ZNF324B: variants seen among roughly 807,000 people sequenced by gnomAD.
The protein encoded by ZNF324B is zinc finger protein 324B.
Under a neutral mutation model 10.6 loss-of-function variants are expected in ZNF324B, and 7 were observed. That is an observed-to-expected ratio of 0.66 (90% confidence interval 0.38 to 1.24). The LOEUF is 1.24. ZNF324B is among the 50% of genes most tolerant of loss of function. The pLI is 0.02. For synonymous variants in ZNF324B, 316 were observed against 321.0 expected (o/e 0.98, Z 0.17); for missense variants, 640 against 764.7 (o/e 0.84, Z 1.92).
the ZNF324B span, chr19:58,434,436 A>T: frequency 1.9e-6 from 3 of 1,614,136 alleles, no homozygotes; most frequent in East Asian, 2.2e-5. Context: ...TTCTCTGATG[A>T]TGAACAAATG....
At chr19:58,454,934 C>T (rs1263030023) in intron 3 of ZNF324B, 1 of 641,060 alleles carries the variant, frequency 1.6e-6, no homozygotes, top group Non-Finnish European at 2.8e-6. Flanking sequence ...CTGTTTTCCT[C>T]AGCTTCACAT....
At chr19:58,453,401 G>A (rs1438683091) in intron 1 of ZNF324B, 2 of 500,260 alleles carry the variant, frequency 4.0e-6, no homozygotes, top group East Asian at 3.7e-5. Flanking sequence ...TGAGTCACGA[G>A]TGGATATTTG....
At chr19:58,434,866 G>C in the ZNF324B span, 1 of 1,614,216 alleles carries the variant, frequency 6.2e-7, no homozygotes, top group South Asian at 1.1e-5. Context: ...TTCCCTGCAA[G>C]TGAAGGGGTT....
intron 2 of ZNF324B, among the ~76,000 whole-genome samples, 181 bp from the exon 3 acceptor site, chr19:58,454,047 G>A (rs1262145855): frequency 1.3e-5 from 2 of 152,194 alleles, no homozygotes; most frequent in Admixed American, 1.3e-4. Flanking sequence ...GGTGCTCTGG[G>A]CACAGTTGCT....
the ZNF324B span, chr19:58,432,353 G>A: frequency 1.9e-6 from 1 of 514,716 alleles, no homozygotes; most frequent in Non-Finnish European, 3.9e-6. Context: ...TGTAGCTCTG[G>A]AGTTGTTCTG....
chr19:58,450,353 T>G (rs1022371691), upstream of ZNF324B, among the ~76,000 whole-genome samples: 4 of 151,688 alleles, frequency 2.6e-5, no homozygotes, highest in Non-Finnish European at 5.9e-5. Context: ...TAGTTCCAGC[T>G]ACTTGGGAGG....
intron 1 of ZNF324B, chr19:58,452,151 C>G (rs370955546): frequency 0.017 from 2,566 of 155,014 alleles, 40 homozygotes; most frequent in African/African-American, 0.051. Context: ...TCCCGACTTC[C>G]GGCAGCCAGG....
chr19:58,424,835 C>T, the ZNF324B span, among the ~76,000 whole-genome samples: 1 of 152,116 alleles, frequency 6.6e-6, no homozygotes, highest in Non-Finnish European at 1.5e-5. Flanking sequence ...AACAATTAAA[C>T]ATACACCTAC....
chr19:58,434,785 T>C, the ZNF324B span: 2 of 1,614,102 alleles, frequency 1.2e-6, no homozygotes, highest in African/African-American at 2.7e-5. Context: ...AAGATTGGAA[T>C]ATGGCTTCTG....
chr19:58,440,203 G>A, the ZNF324B span: 1 of 290,668 alleles, frequency 3.4e-6, no homozygotes, highest in Admixed American at 5.9e-5. Context: ...CTTGCCACTG[G>A]TCCGAGCTTT....
At chr19:58,426,169 C>G in the ZNF324B span, among the ~76,000 whole-genome samples, 153 of 152,250 alleles carry the variant, frequency 1.0e-3, no homozygotes, top group African/African-American at 3.6e-3. Flanking sequence ...GCTGACTTCT[C>G]TGAGTGCCAG....
At chr19:58,439,654 G>C in the ZNF324B span, 1 of 1,265,064 alleles carries the variant, frequency 7.9e-7, no homozygotes, top group Non-Finnish European at 1.1e-6. Context: ...GTGAGGACAG[G>C]ACACGATCAA....
chr19:58,420,984 G>A, the ZNF324B span, among the ~76,000 whole-genome samples: 21 of 150,874 alleles, frequency 1.4e-4, no homozygotes, highest in Non-Finnish European at 3.1e-4. Flanking sequence ...GATTACCGGC[G>A]TGAGCCACCG....
Position 58,455,657 on chromosome 19 carries a change from A to C in ZNF324B, c.713A>C (p.Gln238Pro). ...WQEPHRLLGGQEPSTWDELGE... is the reference protein window; with the variant it reads ...WQEPHRLLGGPEPSTWDELGE... ...GAGCCTCATAGACTCCTCGGTGGCC[A>C]GGAGCCCTCGACCTGGGACGAGCTG... Residue 238 changes from glutamine (Q) to proline (P), a missense_variant, in exon 4 of 4, where the codon CAG becomes CCG. By Grantham distance (76) the Gln-to-Pro change is moderately conservative. Around this residue, in one of 3 missense-constraint regions of ZNF324B, gnomAD observed 345 missense variants for 387.9 expected, o/e 0.89. Transcript: ENST00000336614. The surrounding 1 kb of genome is among the most constrained non-coding windows in gnomAD (Gnocchi z 7.0). 6.2e-7 allele frequency: 1 copy of C among 1,613,664 alleles called. No homozygotes were observed. Among genetic ancestry groups the C allele is most frequent in the African/African-American group, 1.3e-5 (1 of 75,050 alleles).
chr19:58,450,778 G>C (rs1204348534), upstream of ZNF324B, among the ~76,000 whole-genome samples: 1 of 152,164 alleles, frequency 6.6e-6, no homozygotes, highest in Admixed American at 6.5e-5. Context: ...GACCCTCACA[G>C]GGAAGCAACA....
the ZNF324B span, among the ~76,000 whole-genome samples, chr19:58,427,349 C>CTTTCTTTCT: frequency 3.6e-5 from 2 of 55,960 alleles, no homozygotes; most frequent in African/African-American, 1.3e-4. Context: ...CTTTCTCTTT[C>CTTTCTTTCT]CTTTCTTTCT....
the ZNF324B span, chr19:58,418,832 A>G: frequency 1.3e-5 from 2 of 152,114 alleles, no homozygotes; most frequent in Non-Finnish European, 2.9e-5. Context: ...CTGGTCATGA[A>G]CTCTTTGCCT....
At chr19:58,433,794 T>C in the ZNF324B span, 1 of 1,614,214 alleles carries the variant, frequency 6.2e-7, no homozygotes. Flanking sequence ...GAGCAAAGGC[T>C]TTCCCACACT....
At chr19:58,427,367 T>TC in the ZNF324B span, among the ~76,000 whole-genome samples, 281 of 45,966 alleles carry the variant, frequency 6.1e-3, 3 homozygotes, top group African/African-American at 0.014. Flanking sequence ...TCTTTCTTTC[T>TC]TTCTTTCTTT....
Sources: allele counts gnomAD v4.1 joint callset (sites outside exome capture counted in the v4.1 genomes callset), GRCh38; gene constraint gnomAD v4.1.1; regional missense constraint gnomAD v4.1.1; non-coding constraint Gnocchi (gnomAD v3.1); transcripts MANE v1.5; gene names NCBI Gene and HGNC (gene_info 2026-07-23, HGNC 2026-07-21).